The following RANBP17 variants were observed in gnomAD, a reference collection of about 807,000 sequenced individuals.
RANBP17 encodes the protein RAN binding protein 17.
In RANBP17, 158 loss-of-function variants were observed where a neutral mutation model predicts 141.2. That is an observed-to-expected ratio of 1.12 (90% CI 0.98 to 1.28). RANBP17 has a LOEUF of 1.28. RANBP17 is among the 50% of genes most tolerant of loss of function. The pLI, the probability that RANBP17 is intolerant of heterozygous loss-of-function variation, is 0.00. For synonymous variants in RANBP17, 430 were observed against 450.0 expected (o/e 0.96, Z 0.56); for missense variants, 1,438 against 1,290.7 (o/e 1.11, Z -1.75).
At chr5:171,243,112 CAT>C in intron 24 of RANBP17, 1 of 299,922 alleles carries the variant, frequency 3.3e-6, no homozygotes. Context: ...TGTACACAAA[CAT>C]AACCACCACG....
intron 13 of RANBP17, 137 bp from the exon 14 acceptor site, chr5:170,968,105 A>C (rs1776718525): frequency 3.3e-6 from 2 of 604,738 alleles, no homozygotes; most frequent in East Asian, 6.3e-5. Flanking sequence ...TGATTCAAAA[A>C]ATATTTTCTT....
intron 20 of RANBP17, chr5:171,205,866 ATTGT>A: frequency 1.8e-6 from 1 of 551,030 alleles, no homozygotes; most frequent in Non-Finnish European, 3.4e-6. Flanking sequence ...CCCCCAAATG[ATTGT>A]TTATGTTGGA....
At chr5:171,090,455 CAG>C (rs1786163522) in intron 14 of RANBP17, among the ~76,000 whole-genome samples, 2 of 152,122 alleles carry the variant, frequency 1.3e-5, no homozygotes, top group Non-Finnish European at 2.9e-5. Context: ...AAAAGGGAAA[CAG>C]AGCATAAAAG....
intron 14 of RANBP17, among the ~76,000 whole-genome samples, chr5:171,059,350 A>C (rs1036603897): frequency 6.6e-6 from 1 of 152,218 alleles, no homozygotes; most frequent in Non-Finnish European, 1.5e-5. Context: ...TTAAGGTATA[A>C]GGAAGGGATC....
At chr5:171,024,871 A>G (rs1422192938) in intron 14 of RANBP17, among the ~76,000 whole-genome samples, 2 of 151,972 alleles carry the variant, frequency 1.3e-5, no homozygotes, top group Non-Finnish European at 1.5e-5. Context: ...TTCCAAATAC[A>G]TATCTCTAGC....
At chr5:171,167,727 A>G (rs1413675866) in intron 14 of RANBP17, among the ~76,000 whole-genome samples, 7 of 152,150 alleles carry the variant, frequency 4.6e-5, no homozygotes, top group African/African-American at 7.2e-5. Flanking sequence ...TGGGTAAAGC[A>G]GGGCACACAG....
chr5:171,259,709 G>A (rs941739540), intron 24 of RANBP17, among the ~76,000 whole-genome samples: 28 of 152,284 alleles, frequency 1.8e-4, no homozygotes, highest in African/African-American at 6.0e-4. Context: ...GGTCAGACAT[G>A]GTGGCTCACG....
At chr5:170,946,552 A>G (rs1002415435) in intron 12 of RANBP17, among the ~76,000 whole-genome samples, 2 of 152,200 alleles carry the variant, frequency 1.3e-5, no homozygotes, top group African/African-American at 4.8e-5. Context: ...GCTGTGAACA[A>G]TAAATTAGCA....
chr5:171,148,571 T>C (rs1470868090), intron 14 of RANBP17, among the ~76,000 whole-genome samples: 2 of 151,950 alleles, frequency 1.3e-5, no homozygotes, highest in Non-Finnish European at 2.9e-5. Context: ...CTGTCTAGTA[T>C]TGAGGTACTT....
intron 3 of RANBP17, among the ~76,000 whole-genome samples, chr5:170,882,590 G>A (rs1177816202): frequency 5.3e-5 from 8 of 152,156 alleles, no homozygotes; most frequent in Non-Finnish European, 1.0e-4. Context: ...TACTCTACCT[G>A]TTTAGAGTCC....
chr5:170,893,475 T>A (rs557992058), intron 4 of RANBP17, among the ~76,000 whole-genome samples: 1 of 152,290 alleles, frequency 6.6e-6, no homozygotes, highest in African/African-American at 2.4e-5. Flanking sequence ...AGAAGAGAAC[T>A]ATTTTATCTG....
chr5:170,980,283 A>G (rs957876094), intron 14 of RANBP17, among the ~76,000 whole-genome samples: 4 of 152,234 alleles, frequency 2.6e-5, no homozygotes, highest in African/African-American at 4.8e-5. Flanking sequence ...ACAATGTGAT[A>G]GAAAAGAAAA....
chr5:170,905,559 G>A (rs529027852), intron 5 of RANBP17, among the ~76,000 whole-genome samples: 1 of 152,062 alleles, frequency 6.6e-6, no homozygotes, highest in East Asian at 1.9e-4. Flanking sequence ...AACTTATCAC[G>A]GCCATCACCT....
chr5:171,149,967 G>C (rs943776243), intron 14 of RANBP17, among the ~76,000 whole-genome samples: 1 of 152,148 alleles, frequency 6.6e-6, no homozygotes, highest in African/African-American at 2.4e-5. Flanking sequence ...AACAGATGTG[G>C]GGGTAGGGGG....
At chr5:171,005,502 T>C (rs1351950515) in intron 14 of RANBP17, among the ~76,000 whole-genome samples, 2 of 152,160 alleles carry the variant, frequency 1.3e-5, no homozygotes, top group South Asian at 2.1e-4. Context: ...AAAAGGATTC[T>C]CTATTTAATA....
rs551727458 is a variant in RANBP17 at position 171,074,810 on chromosome 5, A to G, written c.1711-95320A>G. On this transcript the variant is annotated intron_variant, in intron 14 of 27. Transcript: ENST00000523189. The stretch of plus-strand genomic sequence containing the variant: ...TTTGGGCTCTTTATAAATTATATCA[A>G]TACCTGAAAAAGCTTGTTTATATTA... Among the ~76,000 whole-genome samples, 149 of 152,278 alleles carry G rather than the reference A, an allele frequency of 9.8e-4. 1 individual carries two copies. Among genetic ancestry groups the G allele is most frequent in the Admixed American group, 2.2e-3 (34 of 15,298 alleles).
intron 24 of RANBP17, among the ~76,000 whole-genome samples, chr5:171,250,692 C>T (rs1468370565): frequency 6.6e-6 from 1 of 151,968 alleles, no homozygotes; most frequent in Non-Finnish European, 1.5e-5. Flanking sequence ...GAATAGCTAC[C>T]CTTGTATCAG....
At chr5:171,001,290 C>T (rs558140479) in intron 14 of RANBP17, among the ~76,000 whole-genome samples, 10 of 152,090 alleles carry the variant, frequency 6.6e-5, no homozygotes, top group South Asian at 2.1e-4. Flanking sequence ...GGCCTGAATG[C>T]GGTTTTGTAT....
At chr5:171,113,760 A>C (rs1327284195) in intron 14 of RANBP17, among the ~76,000 whole-genome samples, 1 of 152,190 alleles carries the variant, frequency 6.6e-6, no homozygotes, top group Non-Finnish European at 1.5e-5. Flanking sequence ...TCAGGGACTT[A>C]TTAGAGATCC....
Sources: gnomAD v4.1 joint callset for allele counts (sites outside exome capture counted in the v4.1 genomes callset) on GRCh38, gnomAD v4.1.1 for gene constraint, MANE v1.5 for transcripts, NCBI Gene and HGNC (gene_info 2026-07-23, HGNC 2026-07-21) for gene names.